NKAIN2: variants seen among roughly 807,000 people sequenced by gnomAD.
NKAIN2 encodes the protein sodium/potassium transporting ATPase interacting 2.
A neutral mutation model predicts 32.6 loss-of-function variants in NKAIN2; 14 were observed. The observed-to-expected ratio is 0.43, with a 90% CI of 0.28 to 0.67. The LOEUF (loss-of-function observed/expected upper bound fraction) is 0.67. Among genes scored for constraint, NKAIN2 ranks in the 30% least tolerant of loss-of-function variants. The pLI, the probability that NKAIN2 is intolerant of heterozygous loss-of-function variation, is 0.17. For synonymous variants in NKAIN2, 80 were observed against 87.2 expected (o/e 0.92, Z 0.46); for missense variants, 198 against 258.3 (o/e 0.77, Z 1.60).
At chr6:124,189,042 C>A (rs1789885984) in intron 1 of NKAIN2, among the ~76,000 whole-genome samples, 1 of 152,130 alleles carries the variant, frequency 6.6e-6, no homozygotes, top group Non-Finnish European at 1.5e-5. Flanking sequence ...TAATACATCA[C>A]TGATTTAAAT....
chr6:124,162,250 C>T (rs1788318266), intron 1 of NKAIN2, among the ~76,000 whole-genome samples: 1 of 152,016 alleles, frequency 6.6e-6, no homozygotes, highest in Non-Finnish European at 1.5e-5. Context: ...TACCAACACA[C>T]ATAGTATGCG....
At chr6:123,911,812 TACACACACACACACACACAC>T (rs60501930) in intron 1 of NKAIN2, among the ~76,000 whole-genome samples, 3 of 85,014 alleles carry the variant, frequency 3.5e-5, no homozygotes, top group African/African-American at 4.6e-5. Flanking sequence ...TATATATATA[TACACACACACACACACACAC>T]ACACACACAC....
chr6:124,581,233 A>T (rs1375683443), intron 3 of NKAIN2, among the ~76,000 whole-genome samples: 4 of 151,982 alleles, frequency 2.6e-5, no homozygotes, highest in Admixed American at 6.6e-5. Context: ...AGGTCACGAG[A>T]TCGAGACCAT....
At chr6:124,276,059 A>G (rs1795016154) in intron 1 of NKAIN2, among the ~76,000 whole-genome samples, 1 of 152,062 alleles carries the variant, frequency 6.6e-6, no homozygotes, top group African/African-American at 2.4e-5. Context: ...AACCACCATG[A>G]TATGCTGACT....
chr6:123,924,934 G>A (rs548655473), intron 1 of NKAIN2, among the ~76,000 whole-genome samples: 1 of 152,012 alleles, frequency 6.6e-6, no homozygotes, highest in East Asian at 1.9e-4. Context: ...ACATGCTTAT[G>A]TTTGGTTACA....
rs573740858 is a variant in NKAIN2, at chr6:124,481,236, A to G, written c.273+125889A>G. Among the ~76,000 whole-genome samples, 36 of 151,768 alleles carry G rather than the reference A, an allele frequency of 2.4e-4. No homozygotes were observed. In the South Asian group the frequency reaches 7.3e-3, roughly 31 times the overall value. ...AGAAACTATCTTAAGAATTATAATA[A>G]GTAGGCTAAGATAGGAAGAAAAAAT... On this transcript the variant is annotated intron_variant, in intron 3 of 6. Transcript: ENST00000368417.
At chr6:124,460,986 T>C (rs1776510176) in intron 3 of NKAIN2, among the ~76,000 whole-genome samples, 2 of 151,832 alleles carry the variant, frequency 1.3e-5, no homozygotes, top group South Asian at 4.1e-4. Flanking sequence ...TAATGTATTT[T>C]TTAAGTTTTT....
intron 1 of NKAIN2, among the ~76,000 whole-genome samples, chr6:123,850,660 T>G (rs1775302682): frequency 6.6e-6 from 1 of 152,316 alleles, no homozygotes; most frequent in South Asian, 2.1e-4. Flanking sequence ...TATGTACAAC[T>G]TATTTTGAAA....
At chr6:124,066,267 A>C (rs777265307) in intron 1 of NKAIN2, among the ~76,000 whole-genome samples, 1 of 152,072 alleles carries the variant, frequency 6.6e-6, no homozygotes, top group Non-Finnish European at 1.5e-5. Context: ...CAAATTATAG[A>C]TATATTTTGA....
intron 1 of NKAIN2, among the ~76,000 whole-genome samples, chr6:124,193,672 G>T (rs970853033): frequency 6.6e-6 from 1 of 152,018 alleles, no homozygotes; most frequent in Non-Finnish European, 1.5e-5. Context: ...AGTAGGTCCC[G>T]AGTTCTTGTT....
intron 4 of NKAIN2, among the ~76,000 whole-genome samples, chr6:124,669,830 C>G (rs1773007724): frequency 6.6e-6 from 1 of 151,962 alleles, no homozygotes; most frequent in Admixed American, 6.6e-5. Context: ...TCAACTTTTT[C>G]TATCCACCTC....
At chr6:124,393,280 T>C (rs1477802503) in intron 3 of NKAIN2, among the ~76,000 whole-genome samples, 1 of 152,056 alleles carries the variant, frequency 6.6e-6, no homozygotes, top group Non-Finnish European at 1.5e-5. Flanking sequence ...CGTTACACAA[T>C]GGCCCAATAC....
At chr6:124,670,764 T>G (rs774311832) in intron 4 of NKAIN2, among the ~76,000 whole-genome samples, 2 of 151,614 alleles carry the variant, frequency 1.3e-5, no homozygotes, top group Non-Finnish European at 2.9e-5. Context: ...TCAAGAAAGG[T>G]GGTTTGTTGC....
At chr6:124,103,732 A>G (rs1042699067) in intron 1 of NKAIN2, among the ~76,000 whole-genome samples, 2 of 152,214 alleles carry the variant, frequency 1.3e-5, no homozygotes. Context: ...AGTATAATAA[A>G]GAAAGTAGAA....
At chr6:123,937,058 A>C (rs1776544353) in intron 1 of NKAIN2, among the ~76,000 whole-genome samples, 1 of 152,082 alleles carries the variant, frequency 6.6e-6, no homozygotes, top group Non-Finnish European at 1.5e-5. Context: ...GCCAGCTCCA[A>C]AAATCTAGGA....
At chr6:124,453,955 ATAACTT>A (rs1252810881) in intron 3 of NKAIN2, among the ~76,000 whole-genome samples, 11 of 152,142 alleles carry the variant, frequency 7.2e-5, no homozygotes, top group African/African-American at 2.4e-4. Flanking sequence ...GAATGACAAA[ATAACTT>A]TAAAGCCAGA....
chr6:124,172,679 A>C (rs1355074928), intron 1 of NKAIN2, among the ~76,000 whole-genome samples: 1 of 152,168 alleles, frequency 6.6e-6, no homozygotes, highest in Non-Finnish European at 1.5e-5. Context: ...AAACTTATGG[A>C]ATCATTACTT....
chr6:123,851,139 A>AT (rs1562218861), intron 1 of NKAIN2, among the ~76,000 whole-genome samples: 4 of 151,910 alleles, frequency 2.6e-5, no homozygotes, highest in South Asian at 2.1e-4. Flanking sequence ...TATTGTGAAT[A>AT]GTGCTGCAGT....
chr6:124,694,572 G>A (rs1774406309), intron 4 of NKAIN2, among the ~76,000 whole-genome samples: 1 of 152,202 alleles, frequency 6.6e-6, no homozygotes, highest in Non-Finnish European at 1.5e-5. Flanking sequence ...GCTGGAAACA[G>A]ACAACAGCTT....
Sources: gnomAD v4.1 joint callset for allele counts (sites outside exome capture counted in the v4.1 genomes callset) on GRCh38, gnomAD v4.1.1 for gene constraint, MANE v1.5 for transcripts, NCBI Gene and HGNC (gene_info 2026-07-23, HGNC 2026-07-21) for gene names.